Variants in GRB7 observed in about 807,000 individuals in gnomAD.
The protein encoded by GRB7 is growth factor receptor bound protein 7, also known as growth factor receptor-bound protein 7.
A neutral mutation model predicts 64.1 loss-of-function variants in GRB7; 47 were observed. That is an observed-to-expected ratio of 0.73 (90% CI 0.58 to 0.94). The LOEUF (loss-of-function observed/expected upper bound fraction) is 0.94, where lower values mean the gene tolerates loss of function less well. Among genes scored for constraint, GRB7 ranks in the 40% least tolerant of loss-of-function variants. GRB7 has a pLI of 0.00. For missense variants in GRB7, 634 were observed against 718.4 expected (o/e 0.88, Z 1.34); for synonymous variants, 277 against 279.9 (o/e 0.99, Z 0.10).
intron 11 of GRB7, 88 bp from the exon 12 acceptor site, chr17:39,745,640 G>A: frequency 6.4e-7 from 1 of 1,569,826 alleles, no homozygotes; most frequent in Admixed American, 1.7e-5. Context: ...GAGGCCCCTG[G>A]CTGGGAAGAA....
chr17:39,743,018 T>C lies in GRB7; in HGVS notation c.427T>C (p.Trp143Arg), dbSNP rs1199840721. ...AGCTCACGCCTTGAGCGACGAGACCTGGGGGCTGGTGGAGTGCCACCCCCA... is the reference window on the plus strand; with the variant it reads ...AGCTCACGCCTTGAGCGACGAGACCCGGGGGCTGGTGGAGTGCCACCCCCA... ...QRAHALSDET[W>R]GLVECHPHLA... Residue 143 changes from tryptophan to arginine, a missense_variant, in exon 4 of 15, where the codon TGG becomes CGG. Around this residue, in one of 2 missense-constraint regions of GRB7, gnomAD observed 467 missense variants for 576.6 expected, o/e 0.81. Transcript: ENST00000309156. 1 of 1,610,792 alleles carries C rather than the reference T, an allele frequency of 6.2e-7. No individual in the cohort carries two copies. Among genetic ancestry groups the C allele is most frequent in the Admixed American group, 1.7e-5 (1 of 59,822 alleles).
intron 1 of GRB7, chr17:39,740,270 C>T (rs1406650488): frequency 5.0e-5 from 30 of 596,834 alleles, no homozygotes; most frequent in Non-Finnish European, 5.1e-5. Context: ...TCGTGCCCCT[C>T]CTGGCAGGAC....
chr17:39,743,542 T>C, intron 6 of GRB7, 72 bp downstream of exon 6: 1 of 1,166,550 alleles, frequency 8.6e-7, no homozygotes, highest in Non-Finnish European at 1.3e-6. Context: ...CACCCTTAAG[T>C]CCTGTGCCTC....
In GRB7 at chr17:39,746,219, C is replaced by T. The variant is rs368622817; in HGVS notation, c.1452+17C>T. 4.4e-6 allele frequency: 7 copies of T among 1,602,368 alleles called. No homozygotes were observed. Among genetic ancestry groups the T allele is most frequent in the Non-Finnish European group, 6.0e-6 (7 of 1,169,472 alleles). ...ATCCTGCCGGTGAGCTTCCCTGCGTCCCCGGAGTCCTGCAATGAGACACAG... is the reference window on the plus strand; with the variant it reads ...ATCCTGCCGGTGAGCTTCCCTGCGTTCCCGGAGTCCTGCAATGAGACACAG... On this transcript the variant is annotated intron_variant, in intron 14 of 14. Transcript: ENST00000309156.
At chr17:39,744,457 C>T (rs190609766) in intron 7 of GRB7, 96 bp from the exon 8 acceptor site, 2 of 1,035,326 alleles carry the variant, frequency 1.9e-6, no homozygotes, top group East Asian at 2.6e-5. Context: ...TCCCCTGCCC[C>T]TCTCTGGTCC....
At chr17:39,745,886 G>A in intron 12 of GRB7, 27 bp from the exon 13 acceptor site, 1 of 1,613,522 alleles carries the variant, frequency 6.2e-7, no homozygotes, top group East Asian at 2.2e-5. Flanking sequence ...TCCCCAAAGT[G>A]ACCGCCCATG....
chr17:39,745,816 G>A (rs752680566), intron 12 of GRB7, 28 bp downstream of exon 12: 19 of 1,613,374 alleles, frequency 1.2e-5, no homozygotes, highest in Middle Eastern at 1.7e-4. Context: ...GTCCTGGGGC[G>A]GGGGCTGCCT....
At chr17:39,746,629 A>T in intron 14 of GRB7, 122 bp from the exon 15 acceptor site, 10 of 1,189,304 alleles carry the variant, frequency 8.4e-6, no homozygotes, top group South Asian at 1.5e-5. Flanking sequence ...AAAAAAAAAA[A>T]GAAAGAAAAA....
At chr17:39,739,882 C>A in intron 1 of GRB7, 1 of 472,280 alleles carries the variant, frequency 2.1e-6, no homozygotes, top group Non-Finnish European at 2.8e-6. Flanking sequence ...AGGACCCCTT[C>A]CTCCTCCCTG....
In GRB7 at chr17:39,742,640, C is replaced by A. The variant is rs770645854; in HGVS notation, c.230C>A (p.Pro77His). The change falls in exon 3 of 15, where the codon CCT (proline) becomes CAT (histidine). Residue 77 changes from proline to histidine, a missense_variant. Around this residue, in one of 2 missense-constraint regions of GRB7, gnomAD observed 167 missense variants for 141.9 expected, o/e 1.18. Transcript: ENST00000309156. ...IPNPFPELCS[P>H]PSQSPILGGP... ...AACCCCTTCCCTGAGCTCTGCAGTC[C>A]TCCCTCACAGAGCCCAATTCTCGGG... The A allele has an allele frequency of 1.2e-6, 2 of 1,611,892 alleles. No homozygotes were observed. Among genetic ancestry groups the A allele is most frequent in the African/African-American group, 2.7e-5 (2 of 74,942 alleles).
Position 39,746,937 on chromosome 17 carries a change from G to A in GRB7, c.*40G>A. 1 of 1,571,376 alleles carries A rather than the reference G, an allele frequency of 6.4e-7. No individual in the cohort carries two copies. Among genetic ancestry groups the A allele is most frequent in the Non-Finnish European group, 8.6e-7 (1 of 1,161,012 alleles). On this transcript the variant is annotated 3_prime_UTR_variant, in exon 15 of 15. Transcript: ENST00000309156. ...GGCTCATGCCTCAGCCCGCCTTCAG[G>A]CTGCCCGCCGCCCCTCCACCCATCC...
chr17:39,738,816 G>A (rs1024352396), intron 1 of GRB7: 2 of 1,248,784 alleles, frequency 1.6e-6, no homozygotes, highest in Admixed American at 2.1e-5. Flanking sequence ...CACTTTGGAG[G>A]GCAGTGAAGG....
chr17:39,745,872 C>T, intron 12 of GRB7, 41 bp from the exon 13 acceptor site: 1 of 1,612,330 alleles, frequency 6.2e-7, no homozygotes, highest in African/African-American at 1.3e-5. Flanking sequence ...GTATAGGGGT[C>T]CCCTCCCCAA....
In GRB7 at chr17:39,742,709, G is replaced by GC. The variant is rs1221168145; in HGVS notation, c.304dup (p.His102ProfsTer8). The GC allele has an allele frequency of 1.3e-6, 2 of 1,557,218 alleles. No individual in the cohort carries two copies. Among genetic ancestry groups the GC allele is most frequent in the African/African-American group, 2.7e-5 (2 of 72,768 alleles). On this transcript the variant is annotated frameshift_variant, in exon 3 of 15. Transcript: ENST00000309156. LOFTEE classifies it high-confidence loss of function. ...GGGCTGCTCCCCCGCGATGCCAGCCGCCCCCATGTGAGTTGTCCCTCAGAA... is the reference window on the plus strand; with the variant it reads ...GGGCTGCTCCCCCGCGATGCCAGCCGCCCCCCATGTGAGTTGTCCCTCAGAA...
rs111373048 is a variant in GRB7 at position 39,744,497 on chromosome 17, A to G, written c.802-56A>G. 1.4e-3 allele frequency: 1,952 copies of G among 1,371,200 alleles called. 18 individuals are homozygous for G. In the African/African-American group the frequency reaches 0.023, roughly 16 times the overall value. 84.9% of individuals were successfully genotyped at this position (1,371,200 alleles called of 1,614,324 possible). On this transcript the variant is annotated intron_variant, in intron 7 of 14. Coordinates refer to ENST00000309156, the MANE Select transcript of GRB7 (RefSeq NM_005310.5). Reference sequence around the variant, plus strand: ...ATCTCCCCACCTGGCTTGTGGGGGGAGGTAATAGTGGGCGGGATCTACCTG... The same window carrying G: ...ATCTCCCCACCTGGCTTGTGGGGGGGGGTAATAGTGGGCGGGATCTACCTG...
chr17:39,743,541 GTCC>G, intron 6 of GRB7, 71 bp downstream of exon 6: 1 of 1,196,126 alleles, frequency 8.4e-7, no homozygotes, highest in Admixed American at 1.7e-5. Context: ...CCACCCTTAA[GTCC>G]TGTGCCTCCC....
rs750754616 is a variant in GRB7, at chr17:39,746,738, T to C, written c.1453-13T>C. The C allele has an allele frequency of 1.9e-6, 3 of 1,613,378 alleles. No homozygotes were observed. The highest frequency in any genetic ancestry group is 3.3e-5 in the Admixed American group (2 of 60,008). The stretch of plus-strand genomic sequence containing the variant: ...CCCCTCCCTGAACTTCCACCCCCTT[T>C]ACTGTACCCCAGAGCGAGGAGGAGG... On this transcript the variant is annotated splice_polypyrimidine_tract_variant and intron_variant, in intron 14 of 14. Coordinates refer to ENST00000309156, the MANE Select transcript of GRB7 (RefSeq NM_005310.5).
chr17:39,744,427 T>C, intron 7 of GRB7, 126 bp from the exon 8 acceptor site: 1 of 861,880 alleles, frequency 1.2e-6, no homozygotes, highest in African/African-American at 1.7e-5. Context: ...TACTTCTATT[T>C]GCTGTGTGAC....
intron 1 of GRB7, among the ~76,000 whole-genome samples, chr17:39,739,733 A>G (rs2059979499): frequency 6.6e-6 from 1 of 152,212 alleles, no homozygotes; most frequent in South Asian, 2.1e-4. Context: ...CCACTGGGGG[A>G]GGAGGCAGCT....
Sources: gnomAD v4.1 joint callset for allele counts (sites outside exome capture counted in the v4.1 genomes callset) on GRCh38, gnomAD v4.1.1 for gene constraint, gnomAD v4.1.1 regional missense constraint, MANE v1.5 for transcripts, NCBI Gene and HGNC (gene_info 2026-07-23, HGNC 2026-07-21) for gene names.